PCDHGA7: variants seen among roughly 807,000 people sequenced by gnomAD.
The protein encoded by PCDHGA7 is protocadherin gamma subfamily A, 7.
Under a neutral mutation model 58.3 loss-of-function variants are expected in PCDHGA7, and 44 were observed. That is an observed-to-expected ratio of 0.75 (90% CI 0.59 to 0.97). The LOEUF (loss-of-function observed/expected upper bound fraction) is 0.97, where lower values mean the gene tolerates loss of function less well. Ranked by LOEUF, PCDHGA7 falls within the 50% of genes least tolerant of loss-of-function variation. The pLI is 0.00. For synonymous variants in PCDHGA7, 516 were observed against 504.2 expected (o/e 1.02, Z -0.31); for missense variants, 1,266 against 1,188.7 (o/e 1.06, Z -0.96).
intron 1 of PCDHGA7, among the ~76,000 whole-genome samples, chr5:141,472,980 C>CAAAAAAAAAAAAAAAAGAAAAAAA (rs2099308501): frequency 2.3e-5 from 2 of 86,104 alleles, no homozygotes; most frequent in African/African-American, 7.8e-5. Flanking sequence ...GAGTGAAACT[C>CAAAAAAAAAAAAAAAAGAAAAAAA]AAAAAAAAAA....
At chr5:141,400,456 T>C (rs1439726103) in intron 1 of PCDHGA7, 2 of 1,614,090 alleles carry the variant, frequency 1.2e-6, no homozygotes, top group Non-Finnish European at 1.7e-6. Flanking sequence ...AGACATACTT[T>C]GTGGTGATTC....
At position 141,486,266 on chromosome 5, in the gene PCDHGA7, C is replaced by A; in HGVS notation, c.2425-8541C>A. On this transcript the variant is annotated intron_variant, in intron 1 of 3. Coordinates refer to ENST00000518325, the MANE Select transcript of PCDHGA7 (RefSeq NM_018920.4). The surrounding 1 kb of genome is among the most constrained non-coding windows in gnomAD (Gnocchi z 5.0). ...TGGAACCCTCCCCGAGAGTGCAGAA[C>A]CTGGCACTGTGGTGGCACTTATCAG... The A allele has an allele frequency of 1.9e-6, 3 of 1,614,098 alleles. No homozygotes were observed. Among genetic ancestry groups the A allele is most frequent in the Admixed American group, 3.3e-5 (2 of 60,016 alleles).
Position 141,423,286 on chromosome 5 carries a change from ACCT to A in PCDHGA7, c.2424+37965_2424+37967del, listed in dbSNP as rs554024395. 8.7e-3 allele frequency: 13,966 copies of A among 1,613,746 alleles called. 98 individuals are homozygous for A. The highest frequency in any genetic ancestry group is 0.011 in the Middle Eastern group (68 of 6,062). ...CCTCGAGTCTCTGGCTAACTCTGAAACCTCAGACCTCTCGCTGTACTTGGTGGT... is the reference window on the plus strand; with the variant it reads ...CCTCGAGTCTCTGGCTAACTCTGAAACAGACCTCTCGCTGTACTTGGTGGT... On this transcript the variant is annotated intron_variant, in intron 1 of 3. Transcript: ENST00000518325.
intron 1 of PCDHGA7, chr5:141,415,772 T>C (rs540545854): frequency 4.5e-6 from 6 of 1,336,628 alleles, no homozygotes; most frequent in African/African-American, 1.8e-5. Context: ...TTTTTTTTTT[T>C]ACTTTCTGGT....
intron 1 of PCDHGA7, chr5:141,439,845 T>C (rs983341549): frequency 6.6e-6 from 1 of 152,252 alleles, no homozygotes; most frequent in Non-Finnish European, 1.5e-5. Flanking sequence ...ACTCTAACTG[T>C]GGAAAAGGTG....
intron 1 of PCDHGA7, among the ~76,000 whole-genome samples, chr5:141,480,949 G>A (rs949853273): frequency 2.0e-4 from 30 of 152,136 alleles, no homozygotes; most frequent in African/African-American, 4.6e-4. Flanking sequence ...AGAGGCTGAG[G>A]CGGAAGCATC....
intron 1 of PCDHGA7, chr5:141,414,687 T>G: frequency 1.2e-6 from 2 of 1,614,004 alleles, no homozygotes; most frequent in East Asian, 4.5e-5. Flanking sequence ...AGGGGGTACC[T>G]CTGTCCTCAT....
At chr5:141,507,106 A>T (rs1205648425) in intron 3 of PCDHGA7, 1 of 152,118 alleles carries the variant, frequency 6.6e-6, no homozygotes, top group African/African-American at 2.4e-5. Context: ...TACTATAGGG[A>T]CCATGGCTGC....
intron 1 of PCDHGA7, among the ~76,000 whole-genome samples, chr5:141,464,966 T>C (rs192224238): frequency 1.2e-3 from 178 of 152,274 alleles, no homozygotes; most frequent in Middle Eastern, 3.4e-3. Flanking sequence ...TGTCTTGAAC[T>C]ACTGGCTTCA....
At chr5:141,480,295 G>A (rs1190133739) in intron 1 of PCDHGA7, among the ~76,000 whole-genome samples, 2 of 133,330 alleles carry the variant, frequency 1.5e-5, no homozygotes, top group Admixed American at 7.4e-5. Context: ...TGCACCTGTG[G>A]TACCAGCTAC....
Position 141,431,854 on chromosome 5 carries a change from A to G in PCDHGA7, c.2424+46531A>G. On this transcript the variant is annotated intron_variant, in intron 1 of 3. Coordinates refer to ENST00000518325, the MANE Select transcript of PCDHGA7 (RefSeq NM_018920.4). The surrounding 1 kb of genome is among the most constrained non-coding windows in gnomAD (Gnocchi z 4.8). Reference sequence around the variant, plus strand: ...CCGAAAACTCTCCCAGAGGGACATTAATTGCCCTTTTAAATGTAAATGACC... The same window carrying G: ...CCGAAAACTCTCCCAGAGGGACATTGATTGCCCTTTTAAATGTAAATGACC... The G allele has an allele frequency of 6.2e-7, 1 of 1,614,230 alleles. No individual in the cohort carries two copies. The highest frequency in any genetic ancestry group is 1.3e-5 in the African/African-American group (1 of 75,070).
intron 1 of PCDHGA7, chr5:141,404,337 C>CG (rs1376523964): frequency 1.9e-6 from 3 of 1,613,784 alleles, no homozygotes; most frequent in Non-Finnish European, 2.5e-6. Context: ...GTCTACCTCC[C>CG]GGAAAACAAC....
At chr5:141,496,080 C>G (rs2099765822) in intron 2 of PCDHGA7, among the ~76,000 whole-genome samples, 2 of 152,150 alleles carry the variant, frequency 1.3e-5, no homozygotes, top group East Asian at 1.9e-4. Context: ...ACACAACCCC[C>G]CACCCACCAC....
chr5:141,388,913 A>C, intron 1 of PCDHGA7: 1 of 1,614,040 alleles, frequency 6.2e-7, no homozygotes, highest in Non-Finnish European at 8.5e-7. Flanking sequence ...ACAACGCCCC[A>C]GAAGTGATAT....
intron 1 of PCDHGA7, among the ~76,000 whole-genome samples, chr5:141,447,725 C>T (rs1009407606): frequency 1.3e-5 from 2 of 152,174 alleles, no homozygotes; most frequent in African/African-American, 4.8e-5. Context: ...TTTTCCAAAA[C>T]TCATTGAACT....
At chr5:141,389,793 C>G in intron 1 of PCDHGA7, 1 of 1,613,570 alleles carries the variant, frequency 6.2e-7, no homozygotes, top group Non-Finnish European at 8.5e-7. Flanking sequence ...GGACGCCGTC[C>G]GCCAGCGCCT....
At position 141,489,318 on chromosome 5, in the gene PCDHGA7, G is replaced by T; in HGVS notation, c.2425-5489G>T. On this transcript the variant is annotated intron_variant, in intron 1 of 3. Coordinates refer to ENST00000518325, the MANE Select transcript of PCDHGA7 (RefSeq NM_018920.4). The surrounding 1 kb of genome is among the most constrained non-coding windows in gnomAD (Gnocchi z 4.5). ...TGTTGTCCTTGTGCTGCTGGGGCTG[G>T]GTGTCTGGGCAGCTTCGTTACTCAG... The T allele has an allele frequency of 6.3e-7, 1 of 1,599,092 alleles. No homozygotes were observed. Among genetic ancestry groups the T allele is most frequent in the Non-Finnish European group, 8.5e-7 (1 of 1,171,660 alleles).
At chr5:141,460,425 G>A (rs953425058) in intron 1 of PCDHGA7, among the ~76,000 whole-genome samples, 3 of 152,114 alleles carry the variant, frequency 2.0e-5, no homozygotes. Flanking sequence ...TATGTATGGT[G>A]TATGGTGTGA....
rs759356451 is a variant in PCDHGA7, at chr5:141,476,397, G to C, written c.2425-18410G>C. On this transcript the variant is annotated intron_variant, in intron 1 of 3. Transcript: ENST00000518325. The surrounding 1 kb of genome is among the most constrained non-coding windows in gnomAD (Gnocchi z 7.6). ...ATGTTTGTGAACGACCGTCTGGATC[G>C]AGAGGAGCTGTGTGGGACACTGCCC... The C allele has an allele frequency of 6.2e-7, 1 of 1,614,142 alleles. No individual in the cohort carries two copies. The highest frequency in any genetic ancestry group is 8.5e-7 in the Non-Finnish European group (1 of 1,180,036).
Sources: gnomAD v4.1 joint callset for allele counts (sites outside exome capture counted in the v4.1 genomes callset) on GRCh38, gnomAD v4.1.1 for gene constraint, Gnocchi (gnomAD v3.1) non-coding constraint, MANE v1.5 for transcripts, NCBI Gene and HGNC (gene_info 2026-07-23, HGNC 2026-07-21) for gene names.